Variants in CENPP observed in about 807,000 individuals in gnomAD.
The protein encoded by CENPP is centromere protein P.
CENPP carries 24 observed loss-of-function variants against 35.6 expected under a neutral mutation model. The ratio of observed to expected loss-of-function variants is 0.67; its 90% CI spans 0.49 to 0.95. CENPP has a LOEUF of 0.95. CENPP is among the 40% of genes least tolerant of loss of function. CENPP has a pLI of 0.00. For synonymous variants in CENPP, 120 were observed against 125.5 expected (o/e 0.96, Z 0.29); for missense variants, 332 against 345.3 (o/e 0.96, Z 0.31).
intron 4 of CENPP, among the ~76,000 whole-genome samples, chr9:92,368,576 G>C (rs1019467663): frequency 3.3e-5 from 5 of 152,276 alleles, no homozygotes; most frequent in East Asian, 3.9e-4. Context: ...GTCCCAATGA[G>C]TTCATCGTCT....
intron 5 of CENPP, among the ~76,000 whole-genome samples, chr9:92,540,386 C>T (rs1438699173): frequency 4.7e-5 from 7 of 148,254 alleles, no homozygotes; most frequent in Admixed American, 1.4e-4. Flanking sequence ...CGCAGTGAGT[C>T]GAGATCATGC....
intron 5 of CENPP, among the ~76,000 whole-genome samples, chr9:92,601,983 C>G (rs1850932023): frequency 6.6e-6 from 1 of 152,186 alleles, no homozygotes; most frequent in Non-Finnish European, 1.5e-5. Context: ...GCAACGAGCC[C>G]AGGTCCTGGT....
chr9:92,353,082 A>G (rs1038684371), intron 4 of CENPP, among the ~76,000 whole-genome samples: 1 of 152,242 alleles, frequency 6.6e-6, no homozygotes, highest in Admixed American at 6.5e-5. Flanking sequence ...ACTATTACAT[A>G]AAGTTGATAA....
intron 5 of CENPP, chr9:92,500,925 T>C (rs775521249): frequency 6.2e-7 from 1 of 1,614,208 alleles, no homozygotes; most frequent in Non-Finnish European, 8.5e-7. Flanking sequence ...TGGTTCCATG[T>C]GGCCAAACAC....
intron 5 of CENPP, among the ~76,000 whole-genome samples, chr9:92,552,188 T>TACACACAC (rs766310025): frequency 5.0e-5 from 5 of 100,124 alleles, no homozygotes; most frequent in South Asian, 2.9e-4. Context: ...AGATCTATCA[T>TACACACAC]ATACACACAC....
At chr9:92,507,742 GC>G (rs1847093478) in intron 5 of CENPP, among the ~76,000 whole-genome samples, 2 of 152,184 alleles carry the variant, frequency 1.3e-5, no homozygotes, top group African/African-American at 4.8e-5. Context: ...TTTAAAGCGT[GC>G]CTGGTTTTCC....
intron 5 of CENPP, among the ~76,000 whole-genome samples, chr9:92,430,704 T>C (rs961326842): frequency 2.0e-5 from 3 of 152,112 alleles, no homozygotes; most frequent in African/African-American, 7.2e-5. Context: ...GTGTTATAGT[T>C]ACTTCTGCAT....
At chr9:92,499,690 C>T (rs1358357569) in intron 5 of CENPP, among the ~76,000 whole-genome samples, 2 of 152,190 alleles carry the variant, frequency 1.3e-5, no homozygotes, top group Non-Finnish European at 2.9e-5. Context: ...CTTCCCAAAC[C>T]CCCATCTCTT....
Position 92,545,134 on chromosome 9 carries a change from C to T in CENPP, c.565-66180C>T, listed in dbSNP as rs368163053. 1.9e-3 allele frequency among the ~76,000 whole-genome samples: 287 copies of T among 152,344 alleles called. 1 individual carries two copies. Among genetic ancestry groups the T allele is most frequent in the African/African-American group, 6.3e-3 (264 of 41,584 alleles). The stretch of plus-strand genomic sequence containing the variant: ...CTTGGCACCTCCTCAGCCTCAGCGC[C>T]CACTCTGGCCGTGCTTGAGGAGTCC... On this transcript the variant is annotated intron_variant, in intron 5 of 7. Coordinates refer to ENST00000375587, the MANE Select transcript of CENPP (RefSeq NM_001012267.3).
intron 5 of CENPP, among the ~76,000 whole-genome samples, chr9:92,422,671 C>T (rs1410811590): frequency 6.6e-6 from 1 of 152,200 alleles, no homozygotes; most frequent in Non-Finnish European, 1.5e-5. Context: ...ACAATCTTGT[C>T]CCACTCCCTT....
chr9:92,361,439 C>A (rs1351565934), intron 4 of CENPP, among the ~76,000 whole-genome samples: 1 of 132,832 alleles, frequency 7.5e-6, no homozygotes, highest in Non-Finnish European at 1.6e-5. Flanking sequence ...CCGTACCTGG[C>A]CTTATTTTAT....
At position 92,422,239 on chromosome 9, in the gene CENPP, A is replaced by T. The variant is rs546225849; in HGVS notation, c.564+42380A>T. Among the ~76,000 whole-genome samples, 11 of 152,138 alleles carry T rather than the reference A, an allele frequency of 7.2e-5. No individual in the cohort carries two copies. In the South Asian group the frequency reaches 1.9e-3, roughly 26 times the overall value. ...CTACATTTTTTTGTATTTTTAGTTA[A>T]GACGGGATTTTGCCATGTTGGCCAG... On this transcript the variant is annotated intron_variant, in intron 5 of 7. Coordinates refer to ENST00000375587, the MANE Select transcript of CENPP (RefSeq NM_001012267.3).
chr9:92,577,136 A>T (rs921919044), intron 5 of CENPP, among the ~76,000 whole-genome samples: 1 of 152,198 alleles, frequency 6.6e-6, no homozygotes, highest in African/African-American at 2.4e-5. Flanking sequence ...CTTAGACATT[A>T]TCTGTAAAAT....
intron 5 of CENPP, among the ~76,000 whole-genome samples, chr9:92,410,445 G>C (rs184033103): frequency 2.0e-5 from 3 of 152,252 alleles, no homozygotes; most frequent in Non-Finnish European, 4.4e-5. Context: ...CCACACTCTG[G>C]GGCAGGGAAG....
At chr9:92,325,877 C>T (rs958820983), upstream of CENPP, 11 of 725,704 alleles carry the variant, frequency 1.5e-5, no homozygotes, top group Admixed American at 5.1e-5. Context: ...CTCCCGCCTC[C>T]CCTCCGCGTG....
chr9:92,568,148 CAT>C (rs1363297359), intron 5 of CENPP, among the ~76,000 whole-genome samples: 2 of 114,506 alleles, frequency 1.7e-5, no homozygotes, highest in African/African-American at 4.3e-5. Context: ...AGGTTTGTTA[CAT>C]ATGTATACAT....
At chr9:92,595,769 C>A (rs1347219621) in intron 5 of CENPP, among the ~76,000 whole-genome samples, 1 of 151,946 alleles carries the variant, frequency 6.6e-6, no homozygotes, top group African/African-American at 2.4e-5. Context: ...ACCATGTTGG[C>A]CAGGCTGGTC....
Position 92,619,820 on chromosome 9 carries a change from C to A in CENPP, c.*6671C>A. 1 of 525,840 alleles carries A rather than the reference C, an allele frequency of 1.9e-6. No homozygotes were observed. Among genetic ancestry groups the A allele is most frequent in the Admixed American group, 3.1e-5 (1 of 32,160 alleles). The allele number at this position is 525,840 out of a possible 1,614,324, so 32.6% of individuals were successfully genotyped here. A position where few individuals can be genotyped will look rare whatever the true frequency, so the allele number is the denominator to read the frequency against. ...ACCTCTCACGGCAAGCAGTGTGGGACCCCGACTCCAGACCCTGAGACGGAT... is the reference window on the plus strand; with the variant it reads ...ACCTCTCACGGCAAGCAGTGTGGGAACCCGACTCCAGACCCTGAGACGGAT... On this transcript the variant is annotated 3_prime_UTR_variant, in exon 8 of 8. Transcript: ENST00000375587.
intron 5 of CENPP, among the ~76,000 whole-genome samples, chr9:92,557,780 C>G (rs985681116): frequency 3.3e-5 from 5 of 152,070 alleles, no homozygotes; most frequent in African/African-American, 1.2e-4. Context: ...GTAGCTGGGA[C>G]TACAAGTATG....
Sources: gnomAD v4.1 joint callset for allele counts (sites outside exome capture counted in the v4.1 genomes callset) on GRCh38, gnomAD v4.1.1 for gene constraint, MANE v1.5 for transcripts, NCBI Gene and HGNC (gene_info 2026-07-23, HGNC 2026-07-21) for gene names.